The following HNF1B variants were observed in gnomAD, a reference collection of about 807,000 sequenced individuals.
HNF1B encodes the protein hepatocyte nuclear factor 1-beta.
In HNF1B, 8 loss-of-function variants were observed where a neutral mutation model predicts 61.7. The observed-to-expected ratio is 0.13, with a 90% CI of 0.08 to 0.23. The LOEUF (loss-of-function observed/expected upper bound fraction) is 0.23. HNF1B is among the 10% of genes least tolerant of loss of function. HNF1B has a pLI of 1.00. For synonymous variants in HNF1B, 314 were observed against 287.7 expected (o/e 1.09, Z -0.93); for missense variants, 562 against 714.5 (o/e 0.79, Z 2.43).
intron 8 of HNF1B, among the ~76,000 whole-genome samples, chr17:37,692,710 C>T (rs2032246395): frequency 6.6e-6 from 1 of 152,174 alleles, no homozygotes. Context: ...AGGCCCTGAA[C>T]TATTTGCTTT....
intron 4 of HNF1B, among the ~76,000 whole-genome samples, chr17:37,727,749 G>C (rs2033548108): frequency 6.6e-6 from 1 of 152,188 alleles, no homozygotes; most frequent in Non-Finnish European, 1.5e-5. Context: ...AGCATGGTAA[G>C]CATGGCTGGG....
intron 8 of HNF1B, among the ~76,000 whole-genome samples, chr17:37,698,043 G>GC (rs369849478): frequency 6.6e-6 from 1 of 151,986 alleles, no homozygotes; most frequent in Non-Finnish European, 1.5e-5. Context: ...AGGAGATCGG[G>GC]GCAAAGGAAA....
intron 4 of HNF1B, among the ~76,000 whole-genome samples, chr17:37,721,178 A>T (rs2033301472): frequency 6.6e-6 from 1 of 152,178 alleles, no homozygotes; most frequent in Non-Finnish European, 1.5e-5. Context: ...TCTAGCAGTT[A>T]TAGGTGTCTC....
chr17:37,716,846 C>CTATCTCTCTA (rs1164926794), intron 4 of HNF1B, among the ~76,000 whole-genome samples: 7 of 44,066 alleles, frequency 1.6e-4, no homozygotes, highest in Non-Finnish European at 3.0e-4. Flanking sequence ...TTAACAATCT[C>CTATCTCTCTA]TCTCTCTCTC....
chr17:37,726,937 C>T (rs919489700), intron 4 of HNF1B, among the ~76,000 whole-genome samples: 2 of 152,094 alleles, frequency 1.3e-5, no homozygotes, highest in East Asian at 1.9e-4. Flanking sequence ...CGTGGGAGAG[C>T]GGAGGCTGAT....
chr17:37,714,722 C>T (rs1305544834), intron 4 of HNF1B, among the ~76,000 whole-genome samples: 1 of 152,216 alleles, frequency 6.6e-6, no homozygotes, highest in Non-Finnish European at 1.5e-5. Flanking sequence ...CGGTTTCTAT[C>T]CAATATGACT....
chr17:37,724,630 A>G (rs2033433727), intron 4 of HNF1B, among the ~76,000 whole-genome samples: 1 of 152,240 alleles, frequency 6.6e-6, no homozygotes, highest in Non-Finnish European at 1.5e-5. Flanking sequence ...TTCAGTCCCC[A>G]TAAAATAAAG....
chr17:37,727,984 G>A (rs1466267796), intron 4 of HNF1B, among the ~76,000 whole-genome samples: 1 of 151,962 alleles, frequency 6.6e-6, no homozygotes, highest in Non-Finnish European at 1.5e-5. Flanking sequence ...CAGCAACATG[G>A]AGTTTTTTTT....
At chr17:37,707,306 G>A (rs182189738) in intron 5 of HNF1B, among the ~76,000 whole-genome samples, 133 of 152,094 alleles carry the variant, frequency 8.7e-4, no homozygotes, top group African/African-American at 2.5e-3. Flanking sequence ...TGTAGGGACA[G>A]GGCCTTGCTG....
intron 1 of HNF1B, among the ~76,000 whole-genome samples, chr17:37,739,956 TAA>T (rs2033945805): frequency 1.3e-5 from 2 of 151,474 alleles, no homozygotes; most frequent in African/African-American, 2.4e-5. Context: ...TTTAATTAAT[TAA>T]TTAATTTATT....
chr17:37,696,551 G>A (rs2032392121), intron 8 of HNF1B, among the ~76,000 whole-genome samples: 1 of 152,198 alleles, frequency 6.6e-6, no homozygotes, highest in Non-Finnish European at 1.5e-5. Flanking sequence ...CTTCCGCCAT[G>A]CTTGTAAACC....
intron 6 of HNF1B, among the ~76,000 whole-genome samples, chr17:37,703,041 A>G (rs2032622590): frequency 6.6e-6 from 1 of 152,264 alleles, no homozygotes; most frequent in Non-Finnish European, 1.5e-5. Flanking sequence ...GGCCCTGCCA[A>G]ATAATTTGTT....
chr17:37,724,724 A>G (rs563035679), intron 4 of HNF1B, among the ~76,000 whole-genome samples: 1 of 152,198 alleles, frequency 6.6e-6, no homozygotes, highest in Non-Finnish European at 1.5e-5. Flanking sequence ...CAGTTGAGTA[A>G]TTACAACTGA....
chr17:37,743,284 C>T (rs539344690), intron 1 of HNF1B, among the ~76,000 whole-genome samples: 114 of 152,364 alleles, frequency 7.5e-4, no homozygotes, highest in Non-Finnish European at 1.3e-3. Flanking sequence ...ACTCTCTCGA[C>T]CCCTCTTAGC....
intron 8 of HNF1B, among the ~76,000 whole-genome samples, chr17:37,693,095 C>T (rs2898655): frequency 0.061 from 8,865 of 145,778 alleles, 338 homozygotes; most frequent in Middle Eastern, 0.13. Context: ...GAGGCTGAGG[C>T]GGGAGAATTG....
intron 5 of HNF1B, 29 bp from the exon 6 acceptor site, chr17:37,705,078 A>T: frequency 6.2e-7 from 1 of 1,606,346 alleles, no homozygotes; most frequent in Non-Finnish European, 8.5e-7. Context: ...CAAGAGAAAC[A>T]TGGGTGGACT....
At chr17:37,733,087 C>G (rs79497494) in intron 3 of HNF1B, among the ~76,000 whole-genome samples, 5 of 152,142 alleles carry the variant, frequency 3.3e-5, no homozygotes, top group African/African-American at 9.7e-5. Context: ...TGGACCACTG[C>G]ATGTCTGACA....
intron 4 of HNF1B, among the ~76,000 whole-genome samples, chr17:37,716,735 G>A (rs2033127210): frequency 6.6e-6 from 1 of 152,102 alleles, no homozygotes; most frequent in Non-Finnish European, 1.5e-5. Flanking sequence ...TAGAGCTACA[G>A]CTCATAGAGC....
intron 4 of HNF1B, among the ~76,000 whole-genome samples, chr17:37,716,842 A>ATCTCTATC (rs1491277443): frequency 2.3e-4 from 30 of 131,200 alleles, no homozygotes; most frequent in Non-Finnish European, 3.3e-4. Context: ...CACTTTAACA[A>ATCTCTATC]TCTCTCTCTC....
Sources: gnomAD v4.1 joint callset for allele counts (sites outside exome capture counted in the v4.1 genomes callset) on GRCh38, gnomAD v4.1.1 for gene constraint, MANE v1.5 for transcripts, NCBI Gene and HGNC (gene_info 2026-07-23, HGNC 2026-07-21) for gene names.